The following DLC1 variants were observed in gnomAD, a reference collection of about 807,000 sequenced individuals.
The protein encoded by DLC1 is rho GTPase-activating protein 7.
Under a neutral mutation model 140.3 loss-of-function variants are expected in DLC1, and 54 were observed. That is an observed-to-expected ratio of 0.38 (90% CI 0.31 to 0.48). The LOEUF is 0.48. Ranked by LOEUF, DLC1 falls within the 20% of genes least tolerant of loss-of-function variation. DLC1 has a pLI of 0.96. For missense variants in DLC1, 2,536 were observed against 1,907.0 expected (o/e 1.33, Z -6.14); for synonymous variants, 986 against 728.1 (o/e 1.35, Z -5.70).
At position 13,121,832 on chromosome 8, in the gene DLC1, C is replaced by T. The variant is rs184238347; in HGVS notation, c.1349-6175G>A. Among the ~76,000 whole-genome samples the T allele has an allele frequency of 1.4e-3, 215 of 152,214 alleles. 1 individual carries two copies. In the South Asian group the frequency reaches 0.022, roughly 16 times the overall value. The stretch of plus-strand genomic sequence containing the variant: ...CCTCCCAAAGTGCTGGGATTACAGG[C>T]GTGAACCACCCGTGCCTGGCCAGGG... On this transcript the variant is annotated intron_variant, in intron 5 of 17. Transcript: ENST00000276297.
intron 4 of DLC1, among the ~76,000 whole-genome samples, chr8:13,366,327 C>T (rs73205718): frequency 0.13 from 19,695 of 151,888 alleles, 1,415 homozygotes; most frequent in Non-Finnish European, 0.16. Context: ...CACTACATGC[C>T]TGGCGCTGTC....
chr8:13,535,158 A>G (rs921717091), intron 1 of DLC1, among the ~76,000 whole-genome samples: 1 of 152,196 alleles, frequency 6.6e-6, no homozygotes, highest in Admixed American at 6.5e-5. Flanking sequence ...ATTAAGAAAA[A>G]ACATATATAC....
chr8:13,353,383 AAAC>A (rs1190240829), intron 4 of DLC1: 1 of 152,228 alleles, frequency 6.6e-6, no homozygotes, highest in Non-Finnish European at 1.5e-5. Flanking sequence ...TGTGTTCTTA[AAAC>A]AACAACAGGC....
intron 4 of DLC1, among the ~76,000 whole-genome samples, chr8:13,332,759 A>G (rs1833651991): frequency 6.6e-6 from 1 of 152,120 alleles, no homozygotes; most frequent in Non-Finnish European, 1.5e-5. Context: ...TTTCTTTAAC[A>G]AGTAAATTAT....
At chr8:13,454,418 T>A (rs1799298136) in intron 2 of DLC1, among the ~76,000 whole-genome samples, 1 of 152,204 alleles carries the variant, frequency 6.6e-6, no homozygotes, top group South Asian at 2.1e-4. Flanking sequence ...TCTTAAAAGA[T>A]CATTTCCATG....
chr8:13,431,200 A>T (rs570763065), intron 2 of DLC1, among the ~76,000 whole-genome samples: 2 of 152,268 alleles, frequency 1.3e-5, no homozygotes, highest in African/African-American at 4.8e-5. Context: ...AGAATCAAGC[A>T]TTGGCCAGGC....
At chr8:13,547,017 A>T (rs1191220906) in intron 1 of DLC1, among the ~76,000 whole-genome samples, 1 of 152,162 alleles carries the variant, frequency 6.6e-6, no homozygotes, top group East Asian at 1.9e-4. Context: ...TGTCTATGAT[A>T]TAAAATTCCT....
At chr8:13,595,740 G>A (rs780046792) in intron 1 of DLC1, among the ~76,000 whole-genome samples, 40 of 152,012 alleles carry the variant, frequency 2.6e-4, no homozygotes, top group Middle Eastern at 3.4e-3. Flanking sequence ...TTAACACAAT[G>A]CCAAAAATTG....
intron 5 of DLC1, among the ~76,000 whole-genome samples, chr8:13,190,772 C>T (rs1276192787): frequency 6.6e-6 from 1 of 151,966 alleles, no homozygotes; most frequent in African/African-American, 2.4e-5. Flanking sequence ...AAGGGTGGCA[C>T]AGGGGACAAG....
chr8:13,480,713 C>T (rs1585180212), intron 2 of DLC1, among the ~76,000 whole-genome samples: 2 of 151,952 alleles, frequency 1.3e-5, no homozygotes, highest in African/African-American at 4.8e-5. Context: ...AGACCAGCCT[C>T]GCCAACAGGG....
chr8:13,153,639 C>T (rs1384247252), intron 5 of DLC1, among the ~76,000 whole-genome samples: 1 of 152,158 alleles, frequency 6.6e-6, no homozygotes, highest in Non-Finnish European at 1.5e-5. Context: ...GTTTACAATC[C>T]CTGAGCTAGA....
intron 5 of DLC1, among the ~76,000 whole-genome samples, chr8:13,151,430 A>T (rs917299737): frequency 6.6e-6 from 1 of 152,238 alleles, no homozygotes; most frequent in Non-Finnish European, 1.5e-5. Flanking sequence ...AAGGTCATAC[A>T]GGTGGTAAAC....
chr8:13,143,846 G>GAGAGAGAGAGAGAGAGAGAGAGAGAGAC (rs1476183797), intron 5 of DLC1, among the ~76,000 whole-genome samples: 4 of 148,388 alleles, frequency 2.7e-5, no homozygotes, highest in Non-Finnish European at 4.5e-5. Context: ...GAGAGAGAGA[G>GAGAGAGAGAGAGAGAGAGAGAGAGAGAC]AGAGAGACAT....
chr8:13,170,217 A>T (rs1247805338), intron 5 of DLC1, among the ~76,000 whole-genome samples: 2 of 152,196 alleles, frequency 1.3e-5, no homozygotes, highest in African/African-American at 4.8e-5. Context: ...AGATGTTATG[A>T]TGGATACATT....
chr8:13,374,774 T>G (rs1586230701), intron 4 of DLC1, among the ~76,000 whole-genome samples: 1 of 152,136 alleles, frequency 6.6e-6, no homozygotes, highest in African/African-American at 2.4e-5. Flanking sequence ...AGAGAGAGAC[T>G]CCGTCTTGGG....
chr8:13,590,077 A>ATATATATATATATATATATATCTATCTC (rs11272767), intron 1 of DLC1, among the ~76,000 whole-genome samples: 1 of 145,192 alleles, frequency 6.9e-6, no homozygotes, highest in African/African-American at 2.6e-5. Context: ...ATATATATAT[A>ATATATATATATATATATATATCTATCTC]CAAACACATG....
chr8:13,308,908 C>T (rs977439969), intron 4 of DLC1, among the ~76,000 whole-genome samples: 1 of 152,114 alleles, frequency 6.6e-6, no homozygotes, highest in Non-Finnish European at 1.5e-5. Flanking sequence ...GTCCTGAGGT[C>T]CCATCATGTC....
chr8:13,547,089 G>A (rs1803677624), intron 1 of DLC1, among the ~76,000 whole-genome samples: 3 of 151,940 alleles, frequency 2.0e-5, no homozygotes, highest in Non-Finnish European at 4.4e-5. Flanking sequence ...AAATGATGTG[G>A]AAAATTTCAC....
intron 5 of DLC1, among the ~76,000 whole-genome samples, chr8:13,181,046 A>G (rs979706117): frequency 6.6e-6 from 1 of 151,968 alleles, no homozygotes; most frequent in East Asian, 1.9e-4. Flanking sequence ...ATTCAAATAT[A>G]TATGTATCTA....
Sources: allele counts gnomAD v4.1 joint callset (sites outside exome capture counted in the v4.1 genomes callset), GRCh38; gene constraint gnomAD v4.1.1; transcripts MANE v1.5; gene names NCBI Gene and HGNC (gene_info 2026-07-23, HGNC 2026-07-21).